The following SH3RF3 variants were observed in gnomAD, a reference collection of about 807,000 sequenced individuals.
SH3RF3 encodes E3 ubiquitin-protein ligase SH3RF3.
SH3RF3 carries 29 observed loss-of-function variants against 66.3 expected under a neutral mutation model. That is an observed-to-expected ratio of 0.44 (90% CI 0.33 to 0.60). The LOEUF is 0.60. Ranked by LOEUF, SH3RF3 falls within the 20% of genes least tolerant of loss-of-function variation. SH3RF3 has a pLI of 0.04. For synonymous variants in SH3RF3, 583 were observed against 532.0 expected (o/e 1.10, Z -1.32); for missense variants, 1,194 against 1,190.9 (o/e 1.00, Z -0.04).
chr2:109,134,554 C>T (rs533664966), intron 1 of SH3RF3, among the ~76,000 whole-genome samples: 6 of 152,266 alleles, frequency 3.9e-5, no homozygotes, highest in African/African-American at 1.4e-4. Context: ...AAGGGTTGAG[C>T]GGTGTTTTAA....
chr2:109,371,495 C>G, intron 2 of SH3RF3, 91 bp from the exon 3 acceptor site: 1 of 1,019,818 alleles, frequency 9.8e-7, no homozygotes, highest in Non-Finnish European at 1.5e-6. Flanking sequence ...GAATCTCTTC[C>G]GAGCCTCCAC....
chr2:109,247,311 C>T (rs1017636518), intron 1 of SH3RF3, among the ~76,000 whole-genome samples: 2 of 152,128 alleles, frequency 1.3e-5, no homozygotes, highest in African/African-American at 2.4e-5. Flanking sequence ...CTTTCTTGAG[C>T]CCTTTATCCA....
chr2:109,470,067 G>A (rs537128023), intron 8 of SH3RF3, among the ~76,000 whole-genome samples: 29 of 152,208 alleles, frequency 1.9e-4, no homozygotes, highest in Non-Finnish European at 4.1e-4. Flanking sequence ...GCCCGTTCTG[G>A]TGGTGGGCAA....
intron 1 of SH3RF3, among the ~76,000 whole-genome samples, chr2:109,246,257 G>A (rs926778205): frequency 5.3e-5 from 8 of 152,218 alleles, no homozygotes; most frequent in Admixed American, 3.3e-4. Context: ...AGTTCTAGAC[G>A]CTGGTCGTCC....
chr2:109,215,712 C>T (rs1228370360), intron 1 of SH3RF3, among the ~76,000 whole-genome samples: 1 of 152,184 alleles, frequency 6.6e-6, no homozygotes. Context: ...CCGTGTGACT[C>T]ACCCTGTGAA....
chr2:109,377,685 C>T (rs1441912467), intron 3 of SH3RF3, among the ~76,000 whole-genome samples: 1 of 152,136 alleles, frequency 6.6e-6, no homozygotes, highest in Non-Finnish European at 1.5e-5. Flanking sequence ...CTGCTGATGG[C>T]CATTTCCCGT....
At chr2:109,283,919 T>A (rs1186676018) in intron 1 of SH3RF3, among the ~76,000 whole-genome samples, 1 of 152,158 alleles carries the variant, frequency 6.6e-6, no homozygotes, top group African/African-American at 2.4e-5. Context: ...GACCCCCAGA[T>A]TCCATCTCAC....
chr2:109,157,277 C>T (rs745629609), intron 1 of SH3RF3, among the ~76,000 whole-genome samples: 49 of 152,306 alleles, frequency 3.2e-4, no homozygotes, highest in Non-Finnish European at 5.3e-4. Context: ...GCAGAGAGCC[C>T]GCATTCCTGT....
intron 1 of SH3RF3, among the ~76,000 whole-genome samples, chr2:109,274,364 G>A (rs1023466289): frequency 1.3e-5 from 2 of 152,186 alleles, no homozygotes; most frequent in Admixed American, 6.5e-5. Flanking sequence ...ACACAGTAGC[G>A]AAAAGGTGGG....
At chr2:109,269,949 T>C (rs1246188797) in intron 1 of SH3RF3, among the ~76,000 whole-genome samples, 2 of 152,220 alleles carry the variant, frequency 1.3e-5, no homozygotes, top group African/African-American at 4.8e-5. Flanking sequence ...AAGCTGGTTG[T>C]ACAGAGAATT....
intron 8 of SH3RF3, among the ~76,000 whole-genome samples, chr2:109,457,480 T>G (rs1331170704): frequency 6.6e-6 from 1 of 152,254 alleles, no homozygotes; most frequent in Non-Finnish European, 1.5e-5. Flanking sequence ...GTGAGGGTTC[T>G]GCCACCCTCC....
At chr2:109,383,024 G>A (rs1016844875) in intron 3 of SH3RF3, among the ~76,000 whole-genome samples, 4 of 152,242 alleles carry the variant, frequency 2.6e-5, no homozygotes, top group African/African-American at 7.2e-5. Flanking sequence ...GCCTTAGGAA[G>A]TACCATCCAC....
At chr2:109,433,941 C>T (rs1295989204) in intron 6 of SH3RF3, among the ~76,000 whole-genome samples, 1 of 152,228 alleles carries the variant, frequency 6.6e-6, no homozygotes, top group Non-Finnish European at 1.5e-5. Context: ...GTGAGCTGCC[C>T]ACAGCCTCCT....
intron 1 of SH3RF3, among the ~76,000 whole-genome samples, chr2:109,247,289 G>C (rs951863385): frequency 6.6e-6 from 1 of 152,174 alleles, no homozygotes; most frequent in South Asian, 2.1e-4. Context: ...CACCAAGGAT[G>C]GCTTTCAAGA....
chr2:109,261,171 C>T (rs1286217263), intron 1 of SH3RF3, among the ~76,000 whole-genome samples: 2 of 152,144 alleles, frequency 1.3e-5, no homozygotes, highest in South Asian at 2.1e-4. Flanking sequence ...ACATTTCTGG[C>T]TCTGTCACAC....
At chr2:109,309,745 G>A (rs1253170378) in intron 1 of SH3RF3, among the ~76,000 whole-genome samples, 1 of 126,456 alleles carries the variant, frequency 7.9e-6, no homozygotes, top group African/African-American at 3.9e-5. Flanking sequence ...AGACAAAGAA[G>A]GCCATTATAT....
chr2:109,371,537 TTG>T (rs758301967), intron 2 of SH3RF3, 47 bp from the exon 3 acceptor site: 21 of 1,517,760 alleles, frequency 1.4e-5, no homozygotes, highest in Admixed American at 1.7e-5. Context: ...TCCTTTTTCA[TTG>T]TGTGTGTGTC....
intron 3 of SH3RF3, among the ~76,000 whole-genome samples, chr2:109,380,843 T>A (rs914497905): frequency 6.6e-6 from 1 of 152,218 alleles, no homozygotes. Context: ...AAGACCTCGA[T>A]GCTGGAGAGC....
At chr2:109,194,464 T>C (rs533717135) in intron 1 of SH3RF3, among the ~76,000 whole-genome samples, 1 of 152,214 alleles carries the variant, frequency 6.6e-6, no homozygotes, top group Non-Finnish European at 1.5e-5. Context: ...GTGTTGAGGC[T>C]CTGTAGAATG....
Sources: gnomAD v4.1 joint callset for allele counts (sites outside exome capture counted in the v4.1 genomes callset) on GRCh38, gnomAD v4.1.1 for gene constraint, MANE v1.5 for transcripts, NCBI Gene and HGNC (gene_info 2026-07-23, HGNC 2026-07-21) for gene names.